The following SACM1L variants were observed in gnomAD, a reference collection of about 807,000 sequenced individuals.
The protein encoded by SACM1L is SAC1 like phosphatidylinositide phosphatase.
A neutral mutation model predicts 89.5 loss-of-function variants in SACM1L; 32 were observed. The observed-to-expected ratio is 0.36, with a 90% CI of 0.27 to 0.48. The LOEUF is 0.48. SACM1L is among the 20% of genes least tolerant of loss of function. The pLI is 0.99. For synonymous variants in SACM1L, 213 were observed against 232.8 expected, an observed-to-expected ratio of 0.92 and a Z score of 0.77; for missense variants, 543 against 708.5, an observed-to-expected ratio of 0.77 and a Z score of 2.65.
chr3:45,698,623 T>TCACTGCAACCTCCGCC (rs574964909), intron 1 of SACM1L, among the ~76,000 whole-genome samples: 70 of 152,364 alleles, frequency 4.6e-4, no homozygotes, highest in African/African-American at 1.6e-3. Flanking sequence ...CAATCTCTGC[T>TCACTGCAACCTCCGCC]CACTGCAACC....
chr3:45,722,991 A>G (rs780393864), intron 10 of SACM1L, 36 bp downstream of exon 10: 119 of 1,455,074 alleles, frequency 8.2e-5, no homozygotes, highest in Non-Finnish European at 5.1e-5. Flanking sequence ...TTGGTTAAAA[A>G]TAGAAGCTTA....
chr3:45,709,676 T>G, intron 5 of SACM1L, 29 bp downstream of exon 5: 2 of 1,578,892 alleles, frequency 1.3e-6, no homozygotes, highest in Non-Finnish European at 1.7e-6. Context: ...TATTTTTATT[T>G]TTAGGTTTTT....
chr3:45,723,617 CA>C (rs1698839406), intron 11 of SACM1L, 74 bp downstream of exon 11: 2 of 732,684 alleles, frequency 2.7e-6, no homozygotes, highest in South Asian at 6.4e-5. Context: ...CTATTTTAAC[CA>C]TTTTTTAAGT....
chr3:45,723,523 A>G lies in SACM1L; in HGVS notation c.901A>G (p.Lys301Glu). ...HFDSQVIIYG[K>E]QVIINLINQK... is the part of the protein sequence containing the mutation. ...TGATTCCCAAGTAATTATTTATGGA[A>G]AACAAGTTATAATCAATCTGGTATG... Residue 301 changes from lysine to glutamate, a missense_variant, in exon 11 of 20, where the codon AAA becomes GAA. Around this residue, in one of 2 missense-constraint regions of SACM1L, gnomAD observed 370 missense variants for 527.6 expected, o/e 0.70. Transcript: ENST00000389061. 6.6e-7 allele frequency: 1 copy of G among 1,510,232 alleles called. No homozygotes were observed. The highest frequency in any genetic ancestry group is 8.9e-7 in the Non-Finnish European group (1 of 1,119,170). 93.6% of individuals were successfully genotyped at this position (1,510,232 alleles called of 1,614,324 possible).
At chr3:45,731,211 G>T in intron 11 of SACM1L, 90 bp from the exon 12 acceptor site, 1 of 720,820 alleles carries the variant, frequency 1.4e-6, no homozygotes. Flanking sequence ...AGAATGATGA[G>T]AGCTTAGAGC....
intron 14 of SACM1L, chr3:45,737,199 G>A (rs1224944210): frequency 1.0e-5 from 2 of 199,712 alleles, no homozygotes; most frequent in South Asian, 1.1e-4. Context: ...GGGTGAAGAA[G>A]TTGAGGGATG....
At position 45,709,558 on chromosome 3, in the gene SACM1L, T is replaced by C; in HGVS notation, c.394T>C (p.Tyr132His). The change falls in exon 5 of 20, where the codon TAC (tyrosine) becomes CAC (histidine). Residue 132 changes from tyrosine (Y) to histidine (H), a missense_variant. By Grantham distance (83) the Tyr-to-His change is moderately conservative. Coordinates refer to ENST00000389061, the MANE Select transcript of SACM1L (RefSeq NM_014016.5). ...CCATGTCTTGAATGTGGATGGATTT[T>C]ACTTTTCAACAACATATGATTTGAC... ...LNHVLNVDGFYFSTTYDLTHT... is the reference protein window; with the variant it reads ...LNHVLNVDGFHFSTTYDLTHT... The C allele has an allele frequency of 6.2e-7, 1 of 1,613,902 alleles. No homozygotes were observed. Among genetic ancestry groups the C allele is most frequent in the East Asian group, 2.2e-5 (1 of 44,866 alleles).
rs1397680525 is a variant in SACM1L, at chr3:45,706,900, A to G, written c.326A>G (p.Asp109Gly). Reference sequence around the variant, plus strand: ...AAGAAGACAATGTTGCACTTAACTGATATTCAGGTAAGAACTGGAAATTGT... The same window carrying G: ...AAGAAGACAATGTTGCACTTAACTGGTATTCAGGTAAGAACTGGAAATTGT... ...SYKKTMLHLT[D>G]IQLQDNKTFL... Residue 109 changes from aspartate to glycine, a missense_variant, in exon 4 of 20, where the codon GAT becomes GGT. By Grantham distance (94) the Asp-to-Gly change is moderately conservative. Transcript: ENST00000389061. 6.2e-7 allele frequency: 1 copy of G among 1,613,064 alleles called. No individual in the cohort carries two copies. Among genetic ancestry groups the G allele is most frequent in the African/African-American group, 1.3e-5 (1 of 75,000 alleles).
At chr3:45,704,434 T>C (rs1188871831) in intron 2 of SACM1L, among the ~76,000 whole-genome samples, 4 of 152,184 alleles carry the variant, frequency 2.6e-5, no homozygotes, top group Non-Finnish European at 5.9e-5. Flanking sequence ...AGTTTGTCTT[T>C]GATCAAATGG....
At chr3:45,712,571 A>G (rs2125691626) in intron 5 of SACM1L, among the ~76,000 whole-genome samples, 1 of 152,224 alleles carries the variant, frequency 6.6e-6, no homozygotes, top group African/African-American at 2.4e-5. Context: ...TTGTTGAGGG[A>G]GCCTCTTCTG....
intron 11 of SACM1L, among the ~76,000 whole-genome samples, chr3:45,724,943 C>T (rs1204195744): frequency 6.6e-6 from 1 of 152,104 alleles, no homozygotes; most frequent in Non-Finnish European, 1.5e-5. Flanking sequence ...TATAAAAAGA[C>T]TGTTCTTTTC....
At chr3:45,710,783 T>G (rs1444262057) in intron 5 of SACM1L, among the ~76,000 whole-genome samples, 1 of 152,174 alleles carries the variant, frequency 6.6e-6, no homozygotes, top group Non-Finnish European at 1.5e-5. Flanking sequence ...GTTGACTGGC[T>G]TTTTTGGGTG....
chr3:45,716,307 C>T (rs1375594636), intron 7 of SACM1L, among the ~76,000 whole-genome samples: 3 of 152,094 alleles, frequency 2.0e-5, no homozygotes, highest in African/African-American at 7.2e-5. Context: ...GACCCTGTCT[C>T]TACAAAAATT....
intron 7 of SACM1L, among the ~76,000 whole-genome samples, chr3:45,717,575 T>C (rs1698690010): frequency 6.6e-6 from 1 of 152,228 alleles, no homozygotes. Flanking sequence ...TTTATTTTAT[T>C]ATGCTGTTAT....
intron 5 of SACM1L, among the ~76,000 whole-genome samples, chr3:45,710,320 C>T (rs766745266): frequency 1.3e-5 from 2 of 151,674 alleles, no homozygotes; most frequent in Non-Finnish European, 2.9e-5. Flanking sequence ...CATGTCTCAG[C>T]CTTGTAGGTA....
At chr3:45,715,314 C>G (rs187760886) in intron 7 of SACM1L, among the ~76,000 whole-genome samples, 1 of 152,144 alleles carries the variant, frequency 6.6e-6, no homozygotes, top group Non-Finnish European at 1.5e-5. Context: ...TATAATTTCA[C>G]TAAACTTAAT....
intron 8 of SACM1L, 98 bp from the exon 9 acceptor site, chr3:45,721,902 C>A (rs924105682): frequency 2.7e-6 from 2 of 751,284 alleles, no homozygotes; most frequent in East Asian, 5.5e-5. Context: ...CTAACTTGAA[C>A]TGACTTAATT....
chr3:45,730,937 C>G (rs1699039005), intron 11 of SACM1L, among the ~76,000 whole-genome samples: 1 of 152,168 alleles, frequency 6.6e-6, no homozygotes, highest in East Asian at 1.9e-4. Flanking sequence ...CAATTATATG[C>G]AAATAAGGTC....
At chr3:45,725,774 C>G (rs1029627751) in intron 11 of SACM1L, among the ~76,000 whole-genome samples, 1 of 151,316 alleles carries the variant, frequency 6.6e-6, no homozygotes, top group Non-Finnish European at 1.5e-5. Flanking sequence ...TGTCTTATTC[C>G]TTTTCTTAGG....
Sources: allele counts gnomAD v4.1 joint callset (sites outside exome capture counted in the v4.1 genomes callset), GRCh38; gene constraint gnomAD v4.1.1; regional missense constraint gnomAD v4.1.1; transcripts MANE v1.5; gene names NCBI Gene and HGNC (gene_info 2026-07-23, HGNC 2026-07-21).